Variants in LPP observed in about 807,000 individuals in gnomAD.
The protein encoded by LPP is lipoma-preferred partner.
LPP carries 38 observed loss-of-function variants against 60.4 expected under a neutral mutation model. The ratio of observed to expected loss-of-function variants is 0.63; its 90% CI spans 0.49 to 0.83. The LOEUF (loss-of-function observed/expected upper bound fraction) is 0.83, where lower values mean the gene tolerates loss of function less well. Among genes scored for constraint, LPP ranks in the 40% least tolerant of loss-of-function variants. The pLI is 0.00. For synonymous variants in LPP, 328 were observed against 290.8 expected, an observed-to-expected ratio of 1.13 and a Z score of -1.30; for missense variants, 902 against 783.6, an observed-to-expected ratio of 1.15 and a Z score of -1.80.
At position 188,249,829 on chromosome 3, in the gene LPP, T is replaced by TACACACACACAC. The variant is rs61215623; in HGVS notation, c.-67+24332_-67+24343dup. 1.3e-3 allele frequency among the ~76,000 whole-genome samples: 145 copies of TACACACACACAC among 111,194 alleles called. 1 individual carries two copies. The highest frequency in any genetic ancestry group is 3.4e-3 in the African/African-American group (94 of 27,708). 72.9% of individuals were successfully genotyped at this position (111,194 alleles called of 152,430 possible). ...CCCTCCCTTCCTCTCTTTCTCTGTCTACACACACACACACACACACACACA... is the reference window on the plus strand; with the variant it reads ...CCCTCCCTTCCTCTCTTTCTCTGTCTACACACACACACACACACACACACACACACACACACA... On this transcript the variant is annotated intron_variant, in intron 2 of 11. Transcript: ENST00000617246.
At chr3:188,388,072 TA>T (rs971134103) in intron 3 of LPP, among the ~76,000 whole-genome samples, 69 of 151,592 alleles carry the variant, frequency 4.6e-4, no homozygotes, top group African/African-American at 1.6e-3. Flanking sequence ...CATTTCCAGT[TA>T]TTTTTTTTTA....
chr3:188,533,268 T>C (rs1210004519), intron 6 of LPP, among the ~76,000 whole-genome samples: 1 of 152,196 alleles, frequency 6.6e-6, no homozygotes, highest in Non-Finnish European at 1.5e-5. Flanking sequence ...GTAATTAAAA[T>C]GTTTAATGCT....
chr3:188,181,093 G>C (rs1453945922), intron 1 of LPP, among the ~76,000 whole-genome samples: 5 of 152,156 alleles, frequency 3.3e-5, no homozygotes, highest in African/African-American at 1.2e-4. Context: ...GGTGGCTCAT[G>C]CCTGTAATCT....
chr3:188,868,256 G>T (rs1271050393), intron 10 of LPP, among the ~76,000 whole-genome samples: 1 of 152,152 alleles, frequency 6.6e-6, no homozygotes, highest in Non-Finnish European at 1.5e-5. Flanking sequence ...ATGTTTCTGT[G>T]GCTAGAAAAG....
At chr3:188,279,882 G>C (rs144723250) in intron 2 of LPP, among the ~76,000 whole-genome samples, 2 of 152,176 alleles carry the variant, frequency 1.3e-5, no homozygotes, top group African/African-American at 4.8e-5. Flanking sequence ...ATAGAGAGCT[G>C]TGTGTCTCCA....
At chr3:188,695,770 G>C (rs150645703) in intron 7 of LPP, among the ~76,000 whole-genome samples, 1 of 152,208 alleles carries the variant, frequency 6.6e-6, no homozygotes, top group African/African-American at 2.4e-5. Flanking sequence ...AGTAAAAAAG[G>C]CCACATTGGT....
At chr3:188,345,600 G>A (rs1270177132) in intron 3 of LPP, among the ~76,000 whole-genome samples, 2 of 152,164 alleles carry the variant, frequency 1.3e-5, no homozygotes, top group Non-Finnish European at 2.9e-5. Context: ...ATTCCCAATT[G>A]CTGGGCTACA....
intron 1 of LPP, among the ~76,000 whole-genome samples, chr3:188,174,195 T>A (rs2148830502): frequency 6.6e-6 from 1 of 152,350 alleles, no homozygotes; most frequent in East Asian, 1.9e-4. Flanking sequence ...TGAGGAAATC[T>A]GTGACACTCA....
intron 9 of LPP, among the ~76,000 whole-genome samples, chr3:188,773,006 A>G (rs1170074261): frequency 6.6e-6 from 1 of 152,194 alleles, no homozygotes; most frequent in Non-Finnish European, 1.5e-5. Context: ...TTGAAGGGAA[A>G]GATGTGAGAG....
intron 3 of LPP, among the ~76,000 whole-genome samples, chr3:188,388,125 T>C (rs951964895): frequency 3.3e-5 from 5 of 152,170 alleles, no homozygotes; most frequent in Admixed American, 3.3e-4. Context: ...TAGGATCCCA[T>C]TCACAGCAAA....
At chr3:188,806,936 A>G (rs557776058) in intron 9 of LPP, among the ~76,000 whole-genome samples, 41 of 152,066 alleles carry the variant, frequency 2.7e-4, no homozygotes, top group African/African-American at 9.9e-4. Flanking sequence ...GCAATTAAAA[A>G]TAATGAGAAA....
At chr3:188,193,972 C>G (rs111490058) in intron 1 of LPP, among the ~76,000 whole-genome samples, 6 of 152,182 alleles carry the variant, frequency 3.9e-5, no homozygotes, top group Non-Finnish European at 8.8e-5. Context: ...GTTTAAGGCT[C>G]AGCTCTGCCA....
rs563258814 is a variant in LPP at position 188,277,388 on chromosome 3, C to T, written c.-67+51861C>T. On this transcript the variant is annotated intron_variant, in intron 2 of 11. Coordinates refer to ENST00000617246, the MANE Select transcript of LPP (RefSeq NM_001375462.1). ...GAGTATTGTCAACTCAGAGGAACAT[C>T]TCTCAGGAAATATTCCTTGATTCTC... is the stretch of plus-strand genomic sequence containing the variant. Among the ~76,000 whole-genome samples, 23 of 152,144 alleles carry T rather than the reference C, an allele frequency of 1.5e-4. 1 individual carries two copies. The highest frequency in any genetic ancestry group is 2.6e-4 in the Non-Finnish European group (18 of 68,026).
intron 1 of LPP, among the ~76,000 whole-genome samples, chr3:188,204,096 A>G (rs1732472306): frequency 6.6e-6 from 1 of 152,090 alleles, no homozygotes; most frequent in Non-Finnish European, 1.5e-5. Flanking sequence ...AAACACTCCC[A>G]AGGGGCTCAC....
chr3:188,157,789 C>A (rs1255663685), intron 1 of LPP, among the ~76,000 whole-genome samples: 2 of 151,690 alleles, frequency 1.3e-5, no homozygotes, highest in East Asian at 3.9e-4. Flanking sequence ...TCAGGGAAAC[C>A]ACTATAGAGA....
chr3:188,252,194 T>C (rs1325886715), intron 2 of LPP, among the ~76,000 whole-genome samples: 1 of 140,514 alleles, frequency 7.1e-6, no homozygotes, highest in African/African-American at 2.6e-5. Context: ...TATATATATA[T>C]ATATATATAT....
intron 8 of LPP, among the ~76,000 whole-genome samples, chr3:188,736,635 C>G (rs907809004): frequency 6.6e-6 from 1 of 151,770 alleles, no homozygotes; most frequent in Non-Finnish European, 1.5e-5. Context: ...TCAATCCAGA[C>G]AGATAGATGG....
intron 9 of LPP, among the ~76,000 whole-genome samples, chr3:188,860,826 T>C (rs2151944155): frequency 6.6e-6 from 1 of 152,316 alleles, no homozygotes; most frequent in African/African-American, 2.4e-5. Context: ...TAACATGTTT[T>C]CTCTATTTAT....
intron 9 of LPP, among the ~76,000 whole-genome samples, chr3:188,768,032 G>C (rs1734701644): frequency 6.6e-6 from 1 of 152,038 alleles, no homozygotes; most frequent in Non-Finnish European, 1.5e-5. Flanking sequence ...GAATGAAAAA[G>C]ACACTCAGCA....
Sources: allele counts gnomAD v4.1 joint callset (sites outside exome capture counted in the v4.1 genomes callset), GRCh38; gene constraint gnomAD v4.1.1; transcripts MANE v1.5; gene names NCBI Gene and HGNC (gene_info 2026-07-23, HGNC 2026-07-21).